UNC5D: variants seen among roughly 807,000 people sequenced by gnomAD.
The protein encoded by UNC5D is netrin receptor UNC5D.
In UNC5D, 39 loss-of-function variants were observed where a neutral mutation model predicts 105.4. That is an observed-to-expected ratio of 0.37 (90% CI 0.29 to 0.48). The LOEUF (loss-of-function observed/expected upper bound fraction) is 0.48. Ranked by LOEUF, UNC5D falls within the 20% of genes least tolerant of loss-of-function variation. The pLI, the probability that UNC5D is intolerant of heterozygous loss-of-function variation, is 0.98. For synonymous variants in UNC5D, 452 were observed against 450.4 expected (o/e 1.00, Z -0.04); for missense variants, 991 against 1,202.4 (o/e 0.82, Z 2.60).
At chr8:35,626,496 A>G (rs1037348796) in intron 4 of UNC5D, among the ~76,000 whole-genome samples, 1 of 152,180 alleles carries the variant, frequency 6.6e-6, no homozygotes, top group African/African-American at 2.4e-5. Flanking sequence ...CTAGGCTAGA[A>G]ATGAATGAAA....
At chr8:35,506,972 T>A (rs903420704) in intron 1 of UNC5D, among the ~76,000 whole-genome samples, 1 of 152,166 alleles carries the variant, frequency 6.6e-6, no homozygotes, top group African/African-American at 2.4e-5. Flanking sequence ...AAAATTATGT[T>A]TGACAAACAA....
intron 1 of UNC5D, among the ~76,000 whole-genome samples, chr8:35,345,072 G>A (rs1238858925): frequency 6.6e-6 from 1 of 152,038 alleles, no homozygotes; most frequent in Admixed American, 6.6e-5. Flanking sequence ...TGTTTCAAAT[G>A]TGGCAAAGTT....
At chr8:35,350,129 G>A (rs990116454) in intron 1 of UNC5D, among the ~76,000 whole-genome samples, 5 of 151,956 alleles carry the variant, frequency 3.3e-5, no homozygotes, top group East Asian at 1.9e-4. Context: ...TGGAAACCAT[G>A]TTTTGAGAAT....
chr8:35,416,137 T>G (rs1328419122), intron 1 of UNC5D, among the ~76,000 whole-genome samples: 1 of 152,018 alleles, frequency 6.6e-6, no homozygotes, highest in East Asian at 1.9e-4. Flanking sequence ...TGTATCAAAA[T>G]ATCTCATGTA....
At position 35,774,346 on chromosome 8, in the gene UNC5D, C is replaced by T. The variant is rs755025295; in HGVS notation, c.2526C>T (p.Phe842=). 4 of 1,614,108 alleles carry T rather than the reference C, an allele frequency of 2.5e-6. No homozygotes were observed. The South Asian group carries it at 4.4e-5, about 18-fold the overall frequency. The change falls in exon 16 of 17, where the codon TTC becomes TTT. Residue 842 remains phenylalanine (F), a synonymous_variant. Transcript: ENST00000404895. ...TCTTCGCACAAGAGGACAGCACTTT[C>T]CCTGCACAGACTGGCCCCAAAGCCT... is the stretch of plus-strand genomic sequence containing the variant. ...ITFFAQEDST[F]PAQTGPKAFK...
intron 1 of UNC5D, among the ~76,000 whole-genome samples, chr8:35,440,750 C>T (rs949310839): frequency 6.6e-6 from 1 of 151,918 alleles, no homozygotes; most frequent in African/African-American, 2.4e-5. Flanking sequence ...TTTTTATCTT[C>T]CCTAGACAAC....
chr8:35,272,392 G>A (rs555838859), intron 1 of UNC5D, among the ~76,000 whole-genome samples: 3 of 152,272 alleles, frequency 2.0e-5, no homozygotes, highest in African/African-American at 7.2e-5. Flanking sequence ...GCTCTGAGGG[G>A]AAGAGAAGAC....
chr8:35,387,424 A>G (rs1803483305), intron 1 of UNC5D, among the ~76,000 whole-genome samples: 1 of 151,048 alleles, frequency 6.6e-6, no homozygotes, highest in Admixed American at 6.6e-5. Flanking sequence ...TGCATTCCCA[A>G]GTATGAGAAC....
intron 1 of UNC5D, among the ~76,000 whole-genome samples, chr8:35,524,685 A>G (rs1483301663): frequency 7.3e-5 from 11 of 151,174 alleles, no homozygotes; most frequent in Admixed American, 7.2e-4. Flanking sequence ...AAAAAGGAAA[A>G]GAAAACAAAA....
At chr8:35,668,563 T>G (rs1824578697) in intron 4 of UNC5D, among the ~76,000 whole-genome samples, 1 of 152,102 alleles carries the variant, frequency 6.6e-6, no homozygotes, top group Admixed American at 6.6e-5. Flanking sequence ...TATGGTACTT[T>G]TGTGGTTGCA....
chr8:35,603,562 C>T (rs1820047991), intron 4 of UNC5D, among the ~76,000 whole-genome samples: 1 of 151,998 alleles, frequency 6.6e-6, no homozygotes, highest in Non-Finnish European at 1.5e-5. Context: ...ATTAGGTCCA[C>T]TTGGTGCAGA....
Position 35,683,575 on chromosome 8 carries a change from T to C in UNC5D, c.599T>C (p.Ile200Thr). ...EVEWLKNEEP[I>T]DSEQDENIDT... ...GAATGGCTGAAAAATGAAGAGCCCA[T>C]TGACTCTGAACAAGACGAGAACATT... Residue 200 changes from isoleucine (I) to threonine (T), a missense_variant, in exon 5 of 17, where the codon ATT (isoleucine) becomes ACT (threonine). By Grantham distance (89) the Ile-to-Thr change is moderately conservative (BLOSUM62 -1). Transcript: ENST00000404895. 1 of 1,567,834 alleles carries C rather than the reference T, an allele frequency of 6.4e-7. No individual in the cohort carries two copies. The highest frequency in any genetic ancestry group is 8.6e-7 in the Non-Finnish European group (1 of 1,163,766).
At chr8:35,780,280 G>A (rs1240461603) in intron 16 of UNC5D, among the ~76,000 whole-genome samples, 2 of 152,196 alleles carry the variant, frequency 1.3e-5, no homozygotes, top group Non-Finnish European at 2.9e-5. Context: ...AACCGTATAC[G>A]TGAAATTCCT....
intron 8 of UNC5D, among the ~76,000 whole-genome samples, chr8:35,720,220 G>A (rs1828500935): frequency 6.6e-6 from 1 of 152,170 alleles, no homozygotes; most frequent in East Asian, 1.9e-4. Context: ...TCTTGCCCTG[G>A]TCATCCTCCT....
At chr8:35,326,211 G>A (rs547956717) in intron 1 of UNC5D, among the ~76,000 whole-genome samples, 3 of 152,320 alleles carry the variant, frequency 2.0e-5, no homozygotes, top group South Asian at 4.1e-4. Flanking sequence ...AGGGCCAGGT[G>A]CAGCAGATGT....
Position 35,481,804 on chromosome 8 carries a change from T to G in UNC5D, c.104-67488T>G, listed in dbSNP as rs140469971. Among the ~76,000 whole-genome samples the G allele has an allele frequency of 7.8e-4, 119 of 152,332 alleles. No individual in the cohort carries two copies. The East Asian group carries it at 0.02, about 25-fold the overall frequency. On this transcript the variant is annotated intron_variant, in intron 1 of 16. Coordinates refer to ENST00000404895, the MANE Select transcript of UNC5D (RefSeq NM_080872.4). ...TGTGGATTGAGTTTTATATTCTCTA[T>G]TTTTATTTAACTTTATAATATGCTG... is the stretch of plus-strand genomic sequence containing the variant.
intron 1 of UNC5D, among the ~76,000 whole-genome samples, chr8:35,476,855 C>T (rs562986088): frequency 6.6e-6 from 1 of 152,274 alleles, no homozygotes; most frequent in East Asian, 1.9e-4. Flanking sequence ...CTTCACAGCC[C>T]AGGGCTTGGA....
intron 11 of UNC5D, among the ~76,000 whole-genome samples, chr8:35,742,805 A>G (rs1349760399): frequency 1.3e-5 from 2 of 152,130 alleles, no homozygotes; most frequent in Non-Finnish European, 2.9e-5. Flanking sequence ...GACCTTCAAC[A>G]TGACCTCTGG....
intron 1 of UNC5D, among the ~76,000 whole-genome samples, chr8:35,352,801 C>T (rs960212898): frequency 2.6e-5 from 4 of 151,912 alleles, no homozygotes; most frequent in Admixed American, 1.3e-4. Context: ...TTAGTAGAGA[C>T]GGGGTTTCAC....
Sources: gnomAD v4.1 joint callset for allele counts (sites outside exome capture counted in the v4.1 genomes callset) on GRCh38, gnomAD v4.1.1 for gene constraint, MANE v1.5 for transcripts, NCBI Gene and HGNC (gene_info 2026-07-23, HGNC 2026-07-21) for gene names.